Variants in TP63 observed in about 807,000 individuals in gnomAD.
TP63 encodes tumor protein p63.
A neutral mutation model predicts 82.8 loss-of-function variants in TP63; 17 were observed. The observed-to-expected ratio is 0.21, with a 90% CI of 0.14 to 0.31. The LOEUF (loss-of-function observed/expected upper bound fraction) is 0.31. Among genes scored for constraint, TP63 ranks in the 10% least tolerant of loss-of-function variants. TP63 has a pLI of 1.00. For synonymous variants in TP63, 330 were observed against 321.7 expected (o/e 1.03, Z -0.28); for missense variants, 648 against 895.3 (o/e 0.72, Z 3.52).
chr3:189,663,982 C>A (rs1309002015), intron 1 of TP63, among the ~76,000 whole-genome samples: 3 of 152,078 alleles, frequency 2.0e-5, no homozygotes, highest in Non-Finnish European at 2.9e-5. Flanking sequence ...TGAGTGTCTA[C>A]TAAGTGCTTT....
In TP63 at chr3:189,872,840, C is replaced by A; in HGVS notation, c.1213-19C>A. 6.2e-7 allele frequency: 1 copy of A among 1,614,058 alleles called. No individual in the cohort carries two copies. The highest frequency in any genetic ancestry group is 8.5e-7 in the Non-Finnish European group (1 of 1,179,976). ...ACAGCTTTTCATGTTTCCTTCTTTC[C>A]TTCTGCTCACTTCCATAGGTGAGGG... On this transcript the variant is annotated intron_variant, in intron 9 of 13. Coordinates refer to ENST00000264731, the MANE Select transcript of TP63 (RefSeq NM_003722.5).
At chr3:189,830,245 G>GT (rs1712114440) in intron 4 of TP63, among the ~76,000 whole-genome samples, 1 of 152,168 alleles carries the variant, frequency 6.6e-6, no homozygotes, top group South Asian at 2.1e-4. Flanking sequence ...AGCTACCGTT[G>GT]TAACAGTCTG....
At chr3:189,840,357 G>C (rs4687099) in intron 4 of TP63, among the ~76,000 whole-genome samples, 1 of 49,946 alleles carries the variant, frequency 2.0e-5, no homozygotes, top group Non-Finnish European at 3.8e-5. Flanking sequence ...TTTGCTTTTC[G>C]TCTTTTTTTT....
At chr3:189,620,407 G>A in the TP63 span, among the ~76,000 whole-genome samples, 1 of 151,612 alleles carries the variant, frequency 6.6e-6, no homozygotes. Flanking sequence ...CTTCTCGGGA[G>A]GCTGAGGCAG....
intron 3 of TP63, among the ~76,000 whole-genome samples, chr3:189,799,799 C>T (rs1244983000): frequency 6.6e-6 from 1 of 151,982 alleles, no homozygotes; most frequent in Non-Finnish European, 1.5e-5. Flanking sequence ...AATTTGGACA[C>T]AGACTCAGGA....
At chr3:189,602,197 A>C in the TP63 span, among the ~76,000 whole-genome samples, 1 of 152,206 alleles carries the variant, frequency 6.6e-6, no homozygotes, top group Non-Finnish European at 1.5e-5. Context: ...TTGAAGTGAT[A>C]GTGCTGGAAA....
At chr3:189,716,150 A>T (rs1718941972) in intron 1 of TP63, among the ~76,000 whole-genome samples, 1 of 152,228 alleles carries the variant, frequency 6.6e-6, no homozygotes, top group African/African-American at 2.4e-5. Context: ...GCAAAACCAC[A>T]TTTCTAAAAG....
intron 4 of TP63, among the ~76,000 whole-genome samples, chr3:189,855,119 A>T (rs1367336394): frequency 1.3e-5 from 2 of 152,228 alleles, no homozygotes; most frequent in African/African-American, 4.8e-5. Flanking sequence ...TATATGGCGG[A>T]TAGAAAGTGG....
intron 1 of TP63, among the ~76,000 whole-genome samples, chr3:189,684,010 G>A (rs1716197775): frequency 6.6e-6 from 1 of 152,180 alleles, no homozygotes; most frequent in South Asian, 2.1e-4. Flanking sequence ...TTCAGCAACT[G>A]CAGGAAAGCA....
At chr3:189,679,405 T>C (rs1045671607) in intron 1 of TP63, among the ~76,000 whole-genome samples, 6 of 152,250 alleles carry the variant, frequency 3.9e-5, no homozygotes, top group African/African-American at 1.4e-4. Flanking sequence ...TTTTTTCATA[T>C]ACCTAGTCAT....
chr3:189,641,608 T>C (rs980567539), intron 1 of TP63, among the ~76,000 whole-genome samples: 2 of 145,838 alleles, frequency 1.4e-5, no homozygotes, highest in African/African-American at 4.9e-5. Context: ...TTTCCAGTTA[T>C]TATGTAAGTG....
At chr3:189,796,903 T>C (rs1395992124) in intron 3 of TP63, among the ~76,000 whole-genome samples, 1 of 152,126 alleles carries the variant, frequency 6.6e-6, no homozygotes, top group East Asian at 1.9e-4. Context: ...AAGCTTCTTT[T>C]TCAAAGACAA....
chr3:189,868,223 C>A (rs1205928905), intron 7 of TP63, among the ~76,000 whole-genome samples: 1 of 152,138 alleles, frequency 6.6e-6, no homozygotes, highest in Non-Finnish European at 1.5e-5. Context: ...AGACCATGGT[C>A]CTCAAGGCAT....
At chr3:189,606,483 T>C in the TP63 span, among the ~76,000 whole-genome samples, 1 of 149,452 alleles carries the variant, frequency 6.7e-6, no homozygotes. Flanking sequence ...ATGTAATTGA[T>C]AGACAGCCTT....
intron 3 of TP63, among the ~76,000 whole-genome samples, chr3:189,777,845 C>CTTTTTTTTTTTTTTTTTTTTTTTTTTTTT (rs55731981): frequency 2.6e-5 from 1 of 37,752 alleles, no homozygotes. Flanking sequence ...TCTTCTTCTT[C>CTTTTTTTTTTTTTTTTTTTTTTTTTTTTT]TTTTTTTTTT....
At chr3:189,836,211 T>A (rs1316543042) in intron 4 of TP63, among the ~76,000 whole-genome samples, 1 of 152,182 alleles carries the variant, frequency 6.6e-6, no homozygotes, top group Non-Finnish European at 1.5e-5. Context: ...ATTAATCAAA[T>A]GTACACGTGC....
chr3:189,707,465 G>C (rs189456117), intron 1 of TP63, among the ~76,000 whole-genome samples: 2 of 151,918 alleles, frequency 1.3e-5, no homozygotes, highest in Non-Finnish European at 2.9e-5. Flanking sequence ...ATCTATAGTC[G>C]TCATCTATAT....
intron 1 of TP63, among the ~76,000 whole-genome samples, chr3:189,682,493 T>C (rs2378510): frequency 0.33 from 47,531 of 143,132 alleles, 8,635 homozygotes; most frequent in African/African-American, 0.47. Flanking sequence ...GAATGCTGAT[T>C]GTTTAACCCA....
chr3:189,857,086 A>G (rs1240892971), intron 4 of TP63, among the ~76,000 whole-genome samples: 4 of 152,174 alleles, frequency 2.6e-5, no homozygotes, highest in Non-Finnish European at 4.4e-5. Flanking sequence ...TTTAAAAAGA[A>G]CAAAATTGCA....
Sources: allele counts gnomAD v4.1 joint callset (sites outside exome capture counted in the v4.1 genomes callset), GRCh38; gene constraint gnomAD v4.1.1; transcripts MANE v1.5; gene names NCBI Gene and HGNC (gene_info 2026-07-23, HGNC 2026-07-21).